The following BMP7 variants were observed in gnomAD, a reference collection of about 807,000 sequenced individuals.
The protein encoded by BMP7 is osteogenic protein 1.
BMP7 carries 12 observed loss-of-function variants against 41.2 expected under a neutral mutation model. The observed-to-expected ratio is 0.29, with a 90% CI of 0.19 to 0.47. BMP7 has a LOEUF of 0.47. BMP7 is among the 20% of genes least tolerant of loss of function. The pLI is 0.99. For synonymous variants in BMP7, 248 were observed against 250.0 expected, an observed-to-expected ratio of 0.99 and a Z score of 0.07; for missense variants, 467 against 606.0, an observed-to-expected ratio of 0.77 and a Z score of 2.41.
chr20:57,255,596 T>G (rs967066325), intron 1 of BMP7, among the ~76,000 whole-genome samples: 2 of 151,752 alleles, frequency 1.3e-5, no homozygotes, highest in African/African-American at 4.8e-5. Flanking sequence ...GGTCAGAAGT[T>G]TAAGACCAGC....
At chr20:57,257,836 A>AC (rs2066139727) in intron 1 of BMP7, among the ~76,000 whole-genome samples, 1 of 151,960 alleles carries the variant, frequency 6.6e-6, no homozygotes, top group Admixed American at 6.6e-5. Flanking sequence ...AAAAAAAAAA[A>AC]AAAAAAAAAC....
intron 2 of BMP7, among the ~76,000 whole-genome samples, chr20:57,216,530 G>GGGGCTGTCTCCTGAGGGTGA (rs1568718131): frequency 6.8e-6 from 1 of 148,074 alleles, no homozygotes; most frequent in Non-Finnish European, 1.5e-5. Context: ...CTGAGGGCGA[G>GGGGCTGTCTCCTGAGGGTGA]GGGGCTGTCT....
At chr20:57,180,073 C>T (rs948864978) in intron 4 of BMP7, among the ~76,000 whole-genome samples, 14 of 152,140 alleles carry the variant, frequency 9.2e-5, no homozygotes, top group African/African-American at 3.1e-4. Flanking sequence ...ACACTTCCTG[C>T]CTGGATGATC....
chr20:57,210,845 A>T (rs915982957), intron 2 of BMP7, among the ~76,000 whole-genome samples: 2 of 152,206 alleles, frequency 1.3e-5, no homozygotes, highest in Non-Finnish European at 2.9e-5. Flanking sequence ...CATTCTGGTC[A>T]TTTTAATTTT....
At chr20:57,173,047 G>T (rs1983845165) in intron 6 of BMP7, 153 bp downstream of exon 6, 3 of 763,800 alleles carry the variant, frequency 3.9e-6, no homozygotes, top group East Asian at 2.7e-5. Flanking sequence ...TACAATTTTT[G>T]ATTTTTTTTT....
At chr20:57,188,083 C>A (rs1042179371) in intron 3 of BMP7, among the ~76,000 whole-genome samples, 2 of 152,216 alleles carry the variant, frequency 1.3e-5, no homozygotes, top group South Asian at 4.1e-4. Context: ...CGTGACCCAA[C>A]AATTCCACTC....
At chr20:57,226,460 G>A (rs530177593) in intron 2 of BMP7, among the ~76,000 whole-genome samples, 6 of 152,352 alleles carry the variant, frequency 3.9e-5, no homozygotes, top group African/African-American at 7.2e-5. Flanking sequence ...GTATGTCAGC[G>A]AGGGTACTTG....
At chr20:57,251,798 G>A (rs1054352050) in intron 1 of BMP7, among the ~76,000 whole-genome samples, 3 of 152,170 alleles carry the variant, frequency 2.0e-5, no homozygotes, top group Non-Finnish European at 2.9e-5. Context: ...TCTGGGCGTG[G>A]TGATGCACGC....
intron 2 of BMP7, among the ~76,000 whole-genome samples, chr20:57,207,449 C>A (rs571921984): frequency 6.6e-6 from 1 of 152,150 alleles, no homozygotes; most frequent in Non-Finnish European, 1.5e-5. Context: ...AGCAATAAAA[C>A]GATGTTGTTT....
Position 57,169,233 on chromosome 20 carries a change from A to G in BMP7, c.*1726T>C, listed in dbSNP as rs1193232852. 2 of 152,222 alleles carry G rather than the reference A, an allele frequency of 1.3e-5. No homozygotes were observed. The highest frequency in any genetic ancestry group is 2.9e-5 in the Non-Finnish European group (2 of 68,042). The allele number at this position is 152,222 out of a possible 1,614,324, so 9.4% of individuals were successfully genotyped here. ...AAACAGAGCCCCGGTGTTTCCAGGA[A>G]CTGTCTGAGTCAAGATGGAGAAACA... On this transcript the variant is annotated 3_prime_UTR_variant, in exon 7 of 7. Coordinates refer to ENST00000395863, the MANE Select transcript of BMP7 (RefSeq NM_001719.3).
At chr20:57,194,137 C>A (rs12625920) in intron 3 of BMP7, among the ~76,000 whole-genome samples, 4,800 of 152,324 alleles carry the variant, frequency 0.032, 88 homozygotes, top group Non-Finnish European at 0.043. Context: ...AGATAAACAT[C>A]CTTCCTCCTT....
In BMP7 at chr20:57,202,587, G is replaced by C. The variant is rs763025993; in HGVS notation, c.648C>G (p.Leu216=). ...SDLFLLDSRT[L]WASEEGWLVF... ...CCAGCCAGCCCTCCTCCGAGGCCCA[G>C]AGGGTACGGCTGTCGAGCAGGAAGA... is the stretch of plus-strand genomic sequence containing the variant. The change falls in exon 3 of 7, where the codon CTC becomes CTG. Residue 216 remains leucine (L), a synonymous_variant. Transcript: ENST00000395863. The C allele has an allele frequency of 3.1e-6, 5 of 1,612,578 alleles. No homozygotes were observed. The East Asian group carries it at 1.1e-4, about 36-fold the overall frequency.
intron 2 of BMP7, among the ~76,000 whole-genome samples, chr20:57,222,548 C>T (rs1453140758): frequency 1.3e-5 from 2 of 152,074 alleles, no homozygotes; most frequent in African/African-American, 4.8e-5. Flanking sequence ...GCTTCAGTCT[C>T]GGTTCTGGAG....
At chr20:57,205,702 G>A (rs575353534) in intron 2 of BMP7, among the ~76,000 whole-genome samples, 1 of 152,272 alleles carries the variant, frequency 6.6e-6, no homozygotes, top group East Asian at 1.9e-4. Flanking sequence ...AACAATGAAT[G>A]GTAACCAAAG....
At chr20:57,256,444 A>G (rs2146030476) in intron 1 of BMP7, among the ~76,000 whole-genome samples, 1 of 152,344 alleles carries the variant, frequency 6.6e-6, no homozygotes, top group East Asian at 1.9e-4. Context: ...CTTTCTGAGC[A>G]AGCAGTGGTA....
At chr20:57,195,649 C>T (rs895019680) in intron 3 of BMP7, among the ~76,000 whole-genome samples, 2 of 152,270 alleles carry the variant, frequency 1.3e-5, no homozygotes, top group African/African-American at 4.8e-5. Flanking sequence ...GTTTCCACAG[C>T]CGCCGCAGGC....
intron 3 of BMP7, among the ~76,000 whole-genome samples, chr20:57,192,058 ATATATT>A (rs201875768): frequency 0.053 from 6,560 of 123,442 alleles, 226 homozygotes; most frequent in African/African-American, 0.097. Context: ...ATTATATAAT[ATATATT>A]TATATCTAAA....
Position 57,171,163 on chromosome 20 carries a change from T to A in BMP7, c.1147-55A>T. The A allele has an allele frequency of 6.2e-7, 1 of 1,611,100 alleles. No individual in the cohort carries two copies. The highest frequency in any genetic ancestry group is 8.5e-7 in the Non-Finnish European group (1 of 1,177,576). The stretch of plus-strand genomic sequence containing the variant: ...GTGAGAAGCGGTGAGTCGTTCTAAC[T>A]GGCCTCCACGTTTCTATAAAGAAAC... On this transcript the variant is annotated intron_variant, in intron 6 of 6. Transcript: ENST00000395863. The surrounding 1 kb of genome is among the most constrained non-coding windows in gnomAD (Gnocchi z 4.5).
chr20:57,193,176 G>A (rs760819438), intron 3 of BMP7, among the ~76,000 whole-genome samples: 3 of 152,224 alleles, frequency 2.0e-5, no homozygotes, highest in Non-Finnish European at 2.9e-5. Flanking sequence ...GCACTAGCGC[G>A]TGTACAGACG....
Sources: allele counts gnomAD v4.1 joint callset (sites outside exome capture counted in the v4.1 genomes callset), GRCh38; gene constraint gnomAD v4.1.1; non-coding constraint Gnocchi (gnomAD v3.1); transcripts MANE v1.5; gene names NCBI Gene and HGNC (gene_info 2026-07-23, HGNC 2026-07-21).